Variants in SYCP1 observed in about 807,000 individuals in gnomAD.
The protein encoded by SYCP1 is cancer/testis antigen 8.
In SYCP1, 64 loss-of-function variants were observed where a neutral mutation model predicts 153.1. The ratio of observed to expected loss-of-function variants is 0.42; its 90% confidence interval spans 0.34 to 0.51. The LOEUF (loss-of-function observed/expected upper bound fraction) is 0.51, where lower values mean the gene tolerates loss of function less well. SYCP1 is among the 20% of genes least tolerant of loss of function. SYCP1 has a pLI of 0.06. For missense variants in SYCP1, 997 were observed against 1,049.0 expected (o/e 0.95, Z 0.68); for synonymous variants, 384 against 341.8 (o/e 1.12, Z -1.36).
intron 30 of SYCP1, among the ~76,000 whole-genome samples, chr1:114,992,594 A>T (rs1309127593): frequency 6.6e-6 from 1 of 151,616 alleles, no homozygotes; most frequent in Non-Finnish European, 1.5e-5. Context: ...CCACATGTCA[A>T]AAGAATTAAG....
chr1:114,879,287 A>C (rs1386447265), intron 12 of SYCP1, among the ~76,000 whole-genome samples: 1 of 152,206 alleles, frequency 6.6e-6, no homozygotes, highest in Non-Finnish European at 1.5e-5. Context: ...TCTATTCTTC[A>C]GAACATTCTC....
intron 30 of SYCP1, among the ~76,000 whole-genome samples, chr1:114,987,338 A>G (rs535672815): frequency 3.8e-4 from 58 of 151,994 alleles, no homozygotes; most frequent in African/African-American, 1.4e-3. Context: ...TCTTATTTCC[A>G]GAGTTACCAA....
intron 15 of SYCP1, among the ~76,000 whole-genome samples, chr1:114,894,797 T>G (rs1342743031): frequency 6.6e-6 from 1 of 152,120 alleles, no homozygotes; most frequent in Admixed American, 6.5e-5. Context: ...ACAATTTTAT[T>G]ATTATGGTGA....
intron 18 of SYCP1, among the ~76,000 whole-genome samples, 196 bp from the exon 19 acceptor site, chr1:114,912,837 A>T (rs951497463): frequency 3.3e-5 from 5 of 151,988 alleles, no homozygotes; most frequent in Non-Finnish European, 7.4e-5. Context: ...AATTTCAAAA[A>T]TATAAAAATT....
chr1:114,867,867 C>T (rs952203819), intron 8 of SYCP1, among the ~76,000 whole-genome samples: 3 of 151,940 alleles, frequency 2.0e-5, no homozygotes, highest in African/African-American at 7.3e-5. Flanking sequence ...TAGTTTCTCA[C>T]CATTAAGTAT....
chr1:114,911,369 T>C (rs1570754276), intron 17 of SYCP1, 110 bp from the exon 18 acceptor site: 1 of 577,570 alleles, frequency 1.7e-6, no homozygotes, highest in South Asian at 3.1e-5. Flanking sequence ...ATATTTGACA[T>C]AACCTGCCAA....
At position 114,906,577 on chromosome 1, in the gene SYCP1, A is replaced by G. The variant is rs567595553; in HGVS notation, c.1321-3820A>G. Among the ~76,000 whole-genome samples the G allele has an allele frequency of 3.3e-5, 5 of 152,276 alleles. No individual in the cohort carries two copies. In the East Asian group the frequency reaches 9.7e-4, roughly 29 times the overall value. ...GTGTTGTATTCTCATTTAGTTTAAA[A>G]TAGTTTTAAATTTCTCTTGAGGGTT... On this transcript the variant is annotated intron_variant, in intron 16 of 31. Transcript: ENST00000369522.
intron 23 of SYCP1, among the ~76,000 whole-genome samples, chr1:114,934,606 C>G (rs1049696148): frequency 1.3e-5 from 2 of 152,114 alleles, no homozygotes; most frequent in Admixed American, 6.5e-5. Context: ...TTAAAAGATA[C>G]AGACTGGCAA....
At chr1:114,876,662 T>C (rs976708495) in intron 10 of SYCP1, 75 bp from the exon 11 acceptor site, 10 of 798,164 alleles carry the variant, frequency 1.3e-5, no homozygotes, top group Middle Eastern at 4.3e-4. Flanking sequence ...TGAAATAAAC[T>C]TTAAATTTTG....
At chr1:114,975,467 C>T (rs1359929820) in intron 27 of SYCP1, among the ~76,000 whole-genome samples, 3 of 150,952 alleles carry the variant, frequency 2.0e-5, no homozygotes, top group Non-Finnish European at 3.0e-5. Context: ...TTCATATTGC[C>T]CTACATATAC....
At chr1:114,932,625 A>G (rs756149884) in intron 23 of SYCP1, among the ~76,000 whole-genome samples, 2 of 152,346 alleles carry the variant, frequency 1.3e-5, no homozygotes, top group East Asian at 1.9e-4. Context: ...TGGGAAGCAC[A>G]AGGGGTTGGG....
intron 12 of SYCP1, among the ~76,000 whole-genome samples, chr1:114,884,554 C>A (rs360644): frequency 0.35 from 53,872 of 152,032 alleles, 10,565 homozygotes; most frequent in East Asian, 0.5. Flanking sequence ...TGTTTATTTG[C>A]CTGCCTGACC....
chr1:114,954,970 C>T (rs2101860445), intron 27 of SYCP1, among the ~76,000 whole-genome samples: 1 of 152,222 alleles, frequency 6.6e-6, no homozygotes, highest in Admixed American at 6.5e-5. Flanking sequence ...TACATGCTTG[C>T]AGTATTGATA....
In SYCP1 at chr1:114,944,935, T is replaced by C; in HGVS notation, c.2107T>C (p.Cys703Arg). ...ATTACAGAAAGAAATTGATAAGCGA[T>C]GTCAACATAAAATAGCTGAAATGGT... ...VKLQKEIDKR[C>R]QHKIAEMVAL... Residue 703 changes from cysteine to arginine, a missense_variant, in exon 25 of 32, where the codon TGT becomes CGT. Around this residue, in one of 2 missense-constraint regions of SYCP1, gnomAD observed 712 missense variants for 682.9 expected, o/e 1.04. Transcript: ENST00000369522. 6.2e-7 allele frequency: 1 copy of C among 1,605,886 alleles called. No homozygotes were observed. The highest frequency in any genetic ancestry group is 8.5e-7 in the Non-Finnish European group (1 of 1,176,794).
intron 27 of SYCP1, among the ~76,000 whole-genome samples, chr1:114,949,883 A>T (rs1670979099): frequency 6.6e-6 from 1 of 152,034 alleles, no homozygotes; most frequent in South Asian, 2.1e-4. Context: ...ATAATTTAGG[A>T]CCTCCATTTA....
intron 28 of SYCP1, among the ~76,000 whole-genome samples, chr1:114,980,153 A>G (rs1158943438): frequency 6.6e-6 from 1 of 151,852 alleles, no homozygotes; most frequent in Non-Finnish European, 1.5e-5. Context: ...TTCACAGCTA[A>G]CTAGCTGTGG....
chr1:114,947,409 T>G, intron 27 of SYCP1, 89 bp downstream of exon 27: 1 of 887,488 alleles, frequency 1.1e-6, no homozygotes, highest in South Asian at 1.8e-5. Flanking sequence ...TAAAATAATT[T>G]GATAAATTTT....
chr1:114,978,032 C>T (rs1672916867), intron 28 of SYCP1, among the ~76,000 whole-genome samples: 1 of 151,526 alleles, frequency 6.6e-6, no homozygotes, highest in Non-Finnish European at 1.5e-5. Context: ...TAATAAATGA[C>T]ATCCTGTTTT....
At position 114,926,300 on chromosome 1, in the gene SYCP1, T is replaced by C; in HGVS notation, c.1823T>C (p.Val608Ala). 1 of 1,534,942 alleles carries C rather than the reference T, an allele frequency of 6.5e-7. No individual in the cohort carries two copies. The highest frequency in any genetic ancestry group is 8.8e-7 in the Non-Finnish European group (1 of 1,137,946). ...EENCNNLRKQ[V>A]ENKNKYIEEL... ...TAGTGTAACAATTTAAGGAAACAAG[T>C]TGAAAATAAAAACAAGTATATTGAA... The change falls in exon 22 of 32, where the codon GTT (valine) becomes GCT (alanine). Residue 608 changes from valine (V) to alanine (A), a missense_variant. This residue lies in a region of SYCP1 where 712 missense variants were observed against 682.9 expected (regional missense o/e 1.04). Transcript: ENST00000369522.
Sources: allele counts gnomAD v4.1 joint callset (sites outside exome capture counted in the v4.1 genomes callset), GRCh38; gene constraint gnomAD v4.1.1; regional missense constraint gnomAD v4.1.1; transcripts MANE v1.5; gene names NCBI Gene and HGNC (gene_info 2026-07-23, HGNC 2026-07-21).